Variants in HPSE2 observed in about 807,000 individuals in gnomAD.
The protein encoded by HPSE2 is heparanase 2 (inactive), also known as inactive heparanase-2.
A neutral mutation model predicts 60.5 loss-of-function variants in HPSE2; 38 were observed. That is an observed-to-expected ratio of 0.63 (90% confidence interval 0.48 to 0.82). HPSE2 has a LOEUF of 0.82. Ranked by LOEUF, HPSE2 falls within the 40% of genes least tolerant of loss-of-function variation. The probability of loss-of-function intolerance (pLI) is 0.00; values close to 1 mark genes in which losing one functional copy is unlikely to be tolerated. For synonymous variants in HPSE2, 295 were observed against 293.2 expected, an observed-to-expected ratio of 1.01 and a Z score of -0.06; for missense variants, 713 against 740.4, an observed-to-expected ratio of 0.96 and a Z score of 0.43.
intron 3 of HPSE2, among the ~76,000 whole-genome samples, chr10:98,945,521 A>T (rs549220202): frequency 3.9e-5 from 6 of 152,160 alleles, no homozygotes; most frequent in Non-Finnish European, 4.4e-5. Flanking sequence ...AACATAATGA[A>T]ATAATATATT....
At chr10:98,711,634 A>G (rs1177040108) in intron 5 of HPSE2, among the ~76,000 whole-genome samples, 1 of 152,136 alleles carries the variant, frequency 6.6e-6, no homozygotes, top group Non-Finnish European at 1.5e-5. Context: ...GTGAGAATTA[A>G]CAAGAAAACG....
At chr10:98,506,293 C>G (rs888609394) in intron 9 of HPSE2, among the ~76,000 whole-genome samples, 1 of 152,024 alleles carries the variant, frequency 6.6e-6, no homozygotes, top group East Asian at 1.9e-4. Flanking sequence ...ATGTGAAAAC[C>G]TTTTCAGTTT....
At chr10:99,024,243 C>G (rs1253554814) in intron 3 of HPSE2, among the ~76,000 whole-genome samples, 1 of 152,002 alleles carries the variant, frequency 6.6e-6, no homozygotes, top group Non-Finnish European at 1.5e-5. Context: ...CAGAACTGAT[C>G]AAGCATAAGA....
At chr10:98,806,333 G>A (rs2801401) in intron 3 of HPSE2, among the ~76,000 whole-genome samples, 9,735 of 152,120 alleles carry the variant, frequency 0.064, 1,003 homozygotes, top group African/African-American at 0.22. Context: ...TCACCCACAG[G>A]GATACTACTG....
intron 3 of HPSE2, among the ~76,000 whole-genome samples, chr10:99,049,233 T>C (rs2135494572): frequency 6.6e-6 from 1 of 152,308 alleles, no homozygotes; most frequent in South Asian, 2.1e-4. Context: ...CCATATATTT[T>C]ATAGTTCTTT....
At chr10:99,131,894 C>T (rs1845400638) in intron 3 of HPSE2, among the ~76,000 whole-genome samples, 2 of 151,936 alleles carry the variant, frequency 1.3e-5, no homozygotes, top group African/African-American at 4.8e-5. Flanking sequence ...GGAGGATCAC[C>T]TGAGGGCAGG....
intron 6 of HPSE2, among the ~76,000 whole-genome samples, chr10:98,664,465 T>C (rs978058108): frequency 1.3e-5 from 2 of 152,106 alleles, no homozygotes; most frequent in Non-Finnish European, 2.9e-5. Context: ...TCAGAACACC[T>C]GGCAAAGGAA....
chr10:98,642,004 C>T, intron 6 of HPSE2, 64 bp from the exon 7 acceptor site: 1 of 1,362,878 alleles, frequency 7.3e-7, no homozygotes, highest in Non-Finnish European at 1.0e-6. Context: ...ATACACTTCT[C>T]TAGCCCAAGG....
intron 3 of HPSE2, among the ~76,000 whole-genome samples, chr10:99,052,495 G>T (rs1379074013): frequency 6.6e-6 from 1 of 151,472 alleles, no homozygotes; most frequent in Non-Finnish European, 1.5e-5. Flanking sequence ...AATTGTGGGG[G>T]GAAATTATGA....
chr10:98,647,621 C>T (rs1239431819), intron 6 of HPSE2, among the ~76,000 whole-genome samples: 1 of 152,106 alleles, frequency 6.6e-6, no homozygotes, highest in Non-Finnish European at 1.5e-5. Context: ...CCTATTCTGC[C>T]GCCTCGAAGC....
intron 3 of HPSE2, among the ~76,000 whole-genome samples, chr10:98,776,250 T>C (rs926051488): frequency 2.2e-4 from 31 of 143,094 alleles, no homozygotes; most frequent in Non-Finnish European, 4.3e-4. Context: ...CTGACCAACA[T>C]GGTGAAACCC....
the HPSE2 span, among the ~76,000 whole-genome samples, chr10:99,305,979 G>GCGCGCACACACACACACACA: frequency 3.1e-3 from 248 of 80,550 alleles, 3 homozygotes; most frequent in Middle Eastern, 6.8e-3. Flanking sequence ...GCGCGCGCGC[G>GCGCGCACACACACACACACA]CACACACACA....
rs534342303 is a variant in HPSE2 at position 98,855,565 on chromosome 10, G to A, written c.611-111509C>T. Among the ~76,000 whole-genome samples, 15 of 152,192 alleles carry A rather than the reference G, an allele frequency of 9.9e-5. No homozygotes were observed. The South Asian group carries it at 2.7e-3, about 27-fold the overall frequency. On this transcript the variant is annotated intron_variant, in intron 3 of 11. Transcript: ENST00000370552. ...GCACAGTTGAAAACCCATTGCAACCGTGAAAAGGAAACAGAAAATACCTAC... is the reference window on the plus strand; with the variant it reads ...GCACAGTTGAAAACCCATTGCAACCATGAAAAGGAAACAGAAAATACCTAC...
intron 2 of HPSE2, among the ~76,000 whole-genome samples, chr10:99,187,332 G>A (rs1339594243): frequency 1.3e-5 from 2 of 152,114 alleles, no homozygotes; most frequent in Non-Finnish European, 2.9e-5. Flanking sequence ...AAGAAGACTG[G>A]TTATTTTAAA....
At chr10:99,033,611 T>C (rs11189946) in intron 3 of HPSE2, among the ~76,000 whole-genome samples, 11,524 of 151,906 alleles carry the variant, frequency 0.076, 620 homozygotes, top group South Asian at 0.19. Context: ...TGAAACCTCA[T>C]CTCTACTAAA....
intron 3 of HPSE2, among the ~76,000 whole-genome samples, chr10:98,763,305 A>C (rs1031969709): frequency 6.6e-6 from 1 of 152,086 alleles, no homozygotes; most frequent in African/African-American, 2.4e-5. Context: ...AAACTTCCCA[A>C]ATTTGATTTA....
chr10:98,790,865 CTGAG>C (rs1331593071), intron 3 of HPSE2, among the ~76,000 whole-genome samples: 6 of 152,028 alleles, frequency 3.9e-5, no homozygotes, highest in Non-Finnish European at 8.8e-5. Flanking sequence ...AAGATGATGA[CTGAG>C]TATTACTGCA....
chr10:99,031,462 G>A (rs1957497170), intron 3 of HPSE2, among the ~76,000 whole-genome samples: 1 of 152,164 alleles, frequency 6.6e-6, no homozygotes, highest in Non-Finnish European at 1.5e-5. Flanking sequence ...ATCTCAAGGA[G>A]TTAGTGAATA....
chr10:99,091,699 C>G (rs1359791161), intron 3 of HPSE2, among the ~76,000 whole-genome samples: 1 of 152,150 alleles, frequency 6.6e-6, no homozygotes, highest in Non-Finnish European at 1.5e-5. Context: ...TATTCTTCTG[C>G]CCAGCTGCTT....
Sources: gnomAD v4.1 joint callset for allele counts (sites outside exome capture counted in the v4.1 genomes callset) on GRCh38, gnomAD v4.1.1 for gene constraint, MANE v1.5 for transcripts, NCBI Gene and HGNC (gene_info 2026-07-23, HGNC 2026-07-21) for gene names.